The following AZIN2 variants were observed in gnomAD, a reference collection of about 807,000 sequenced individuals.
AZIN2 encodes the protein antizyme inhibitor 2.
A neutral mutation model predicts 47.8 loss-of-function variants in AZIN2; 28 were observed. The observed-to-expected ratio is 0.59, with a 90% confidence interval of 0.43 to 0.80. The LOEUF is 0.80. AZIN2 is among the 30% of genes least tolerant of loss of function. The pLI, the probability that AZIN2 is intolerant of heterozygous loss-of-function variation, is 0.00. For synonymous variants in AZIN2, 221 were observed against 239.4 expected (o/e 0.92, Z 0.71); for missense variants, 535 against 582.5 (o/e 0.92, Z 0.84).
downstream of AZIN2, among the ~76,000 whole-genome samples, chr1:33,126,056 C>T (rs1163993645): frequency 6.6e-6 from 1 of 152,182 alleles, no homozygotes; most frequent in Admixed American, 6.5e-5. Context: ...TCTATAATCC[C>T]CTTCAGAGCC....
downstream of AZIN2, among the ~76,000 whole-genome samples, chr1:33,124,114 C>T (rs188273285): frequency 2.2e-4 from 33 of 152,102 alleles, no homozygotes; most frequent in African/African-American, 6.3e-4. This position sits in a 1 kb window ranked among gnomAD's most constrained non-coding sequence, Gnocchi z 4.6. Flanking sequence ...TGCATTGAGC[C>T]GAGATCCTGC....
At chr1:33,123,736 C>T (rs1031496494), downstream of AZIN2, among the ~76,000 whole-genome samples, 4 of 151,868 alleles carry the variant, frequency 2.6e-5, no homozygotes, top group African/African-American at 7.3e-5. Context: ...CGGTGGCTTA[C>T]GCCTATAATT....
At chr1:33,091,006 G>C (rs1271587247) in intron 5 of AZIN2, among the ~76,000 whole-genome samples, 1 of 96,358 alleles carries the variant, frequency 1.0e-5, no homozygotes, top group Non-Finnish European at 2.7e-5. Context: ...GCTCATCCAT[G>C]TTGCTGCAAA....
chr1:33,159,355 A>T, the AZIN2 span, among the ~76,000 whole-genome samples: 1 of 152,178 alleles, frequency 6.6e-6, no homozygotes, highest in African/African-American at 2.4e-5. The surrounding 1 kb of genome is among the most constrained non-coding windows in gnomAD (Gnocchi z 4.2). Context: ...AATATATTAC[A>T]TATATAATAA....
At chr1:33,136,467 C>A in the AZIN2 span, among the ~76,000 whole-genome samples, 1 of 151,804 alleles carries the variant, frequency 6.6e-6, no homozygotes, top group Non-Finnish European at 1.5e-5. Context: ...CTCCCAGGCT[C>A]AAGCAATTCT....
At chr1:33,130,523 C>CT in the AZIN2 span, among the ~76,000 whole-genome samples, 1 of 152,160 alleles carries the variant, frequency 6.6e-6, no homozygotes, top group Non-Finnish European at 1.5e-5. Flanking sequence ...TTGAGGACTT[C>CT]TAACAGCTGT....
At chr1:33,156,964 G>A in the AZIN2 span, among the ~76,000 whole-genome samples, 3 of 69,800 alleles carry the variant, frequency 4.3e-5, no homozygotes, top group African/African-American at 1.7e-4. Context: ...CCTGCTTCAC[G>A]CCCACATCAC....
intron 10 of AZIN2, among the ~76,000 whole-genome samples, chr1:33,099,673 C>G (rs528276381): frequency 6.6e-6 from 1 of 152,308 alleles, no homozygotes; most frequent in South Asian, 2.1e-4. Context: ...AGTTGGCATT[C>G]CTGACTTGGG....
At chr1:33,159,100 C>T in the AZIN2 span, among the ~76,000 whole-genome samples, 1 of 152,042 alleles carries the variant, frequency 6.6e-6, no homozygotes, top group African/African-American at 2.4e-5. The surrounding 1 kb of genome is among the most constrained non-coding windows in gnomAD (Gnocchi z 4.2). Context: ...CTGCCTCGGC[C>T]TCCCAAAGTG....
At chr1:33,159,815 C>T in the AZIN2 span, 7 of 1,613,854 alleles carry the variant, frequency 4.3e-6, no homozygotes, top group African/African-American at 2.7e-5. The surrounding 1 kb of genome is among the most constrained non-coding windows in gnomAD (Gnocchi z 4.2). Context: ...ACTTTCTGCT[C>T]GATGTCGGTC....
chr1:33,159,263 CATAA>C, the AZIN2 span, among the ~76,000 whole-genome samples: 1 of 151,910 alleles, frequency 6.6e-6, no homozygotes, highest in Non-Finnish European at 1.5e-5. This position sits in a 1 kb window ranked among gnomAD's most constrained non-coding sequence, Gnocchi z 4.2. Flanking sequence ...CCAACATTAT[CATAA>C]ATAAAATAAT....
At chr1:33,147,377 G>A in the AZIN2 span, 10 of 1,614,148 alleles carry the variant, frequency 6.2e-6, no homozygotes, top group Non-Finnish European at 6.8e-6. The surrounding 1 kb of genome is among the most constrained non-coding windows in gnomAD (Gnocchi z 8.1). Flanking sequence ...AGCTTGTCCC[G>A]GACGTTAAGC....
At position 33,120,317 on chromosome 1, in the gene AZIN2, A is replaced by C; in HGVS notation, c.*135A>C. 1 of 1,239,514 alleles carries C rather than the reference A, an allele frequency of 8.1e-7. No individual in the cohort carries two copies. Among genetic ancestry groups the C allele is most frequent in the Non-Finnish European group, 1.1e-6 (1 of 899,404 alleles). The allele number at this position is 1,239,514 out of a possible 1,614,324, so 76.8% of individuals were successfully genotyped here. A position where few individuals can be genotyped will look rare whatever the true frequency, so the allele number is the denominator to read the frequency against. ...CCTGCCACCCCCGCGCTCCACCTGC[A>C]GTGTTTCTGCCCTGTAAATAGGACC... On this transcript the variant is annotated 3_prime_UTR_variant, in exon 12 of 12. Transcript: ENST00000294517.
chr1:33,118,197 T>C (rs946889294), intron 11 of AZIN2, 81 bp downstream of exon 11: 17 of 1,404,390 alleles, frequency 1.2e-5, no homozygotes, highest in Non-Finnish European at 1.4e-5. Flanking sequence ...GAGATTCTGC[T>C]TCTGTGTAAT....
At chr1:33,108,229 G>A (rs989756369) in intron 10 of AZIN2, among the ~76,000 whole-genome samples, 2 of 152,064 alleles carry the variant, frequency 1.3e-5, no homozygotes, top group African/African-American at 4.8e-5. Flanking sequence ...CAATGGGAAA[G>A]GACAGTCTCT....
the AZIN2 span, chr1:33,159,847 T>C: frequency 6.2e-7 from 1 of 1,613,514 alleles, no homozygotes; most frequent in Non-Finnish European, 8.5e-7. This position sits in a 1 kb window ranked among gnomAD's most constrained non-coding sequence, Gnocchi z 4.2. Context: ...CGTGTCCGCC[T>C]CCAGCTCCTC....
At chr1:33,108,277 T>C (rs993686953) in intron 10 of AZIN2, among the ~76,000 whole-genome samples, 3 of 151,462 alleles carry the variant, frequency 2.0e-5, no homozygotes, top group South Asian at 2.1e-4. Context: ...TATCCACATA[T>C]AGAAGAATAA....
At chr1:33,105,173 T>C (rs1286979616) in intron 10 of AZIN2, among the ~76,000 whole-genome samples, 1 of 152,356 alleles carries the variant, frequency 6.6e-6, no homozygotes, top group East Asian at 1.9e-4. Context: ...AAATCTCTAA[T>C]TTACAATGCT....
chr1:33,134,250 C>T, the AZIN2 span, among the ~76,000 whole-genome samples: 1 of 152,214 alleles, frequency 6.6e-6, no homozygotes, highest in South Asian at 2.1e-4. Context: ...TTGATCCTCA[C>T]AGCAACCCAG....
Sources: allele counts gnomAD v4.1 joint callset (sites outside exome capture counted in the v4.1 genomes callset), GRCh38; gene constraint gnomAD v4.1.1; non-coding constraint Gnocchi (gnomAD v3.1); transcripts MANE v1.5; gene names NCBI Gene and HGNC (gene_info 2026-07-23, HGNC 2026-07-21).